Variants in ZNF750 observed in about 807,000 individuals in gnomAD.
ZNF750 encodes the protein zinc finger protein 750, also known as protein ZNF750.
A neutral mutation model predicts 31.6 loss-of-function variants in ZNF750; 10 were observed. The observed-to-expected ratio is 0.32, with a 90% CI of 0.19 to 0.54. ZNF750 has a LOEUF of 0.54. Among genes scored for constraint, ZNF750 ranks in the 20% least tolerant of loss-of-function variants. The pLI, the probability that ZNF750 is intolerant of heterozygous loss-of-function variation, is 0.95. For synonymous variants in ZNF750, 400 were observed against 404.9 expected (o/e 0.99, Z 0.15); for missense variants, 914 against 934.9 (o/e 0.98, Z 0.29).
In ZNF750 at chr17:82,831,604, A is replaced by T. The variant is rs1567853293; in HGVS notation, c.851T>A (p.Phe284Tyr). 1.2e-6 allele frequency: 2 copies of T among 1,614,128 alleles called. No individual in the cohort carries two copies. Among genetic ancestry groups the T allele is most frequent in the Admixed American group, 1.7e-5 (1 of 60,024 alleles). ...AGGGATCGGCCCCGGGTGAGGCAGG[A>T]AGTGTCTCGGGTCTTGGGTTCCGTA... ...SVYGTQDPRHFLPHPGPIPKH... is the reference protein window; with the variant it reads ...SVYGTQDPRHYLPHPGPIPKH... The change falls in exon 2 of 3, where the codon TTC becomes TAC. Residue 284 changes from phenylalanine to tyrosine, a missense_variant. Around this residue, in one of 2 missense-constraint regions of ZNF750, gnomAD observed 880 missense variants for 868.9 expected, o/e 1.01. Transcript: ENST00000269394. The surrounding 1 kb of genome is among the most constrained non-coding windows in gnomAD (Gnocchi z 4.6).
Position 82,831,803 on chromosome 17 carries a change from A to G in ZNF750, c.652T>C (p.Phe218Leu), listed in dbSNP as rs776169884. Residue 218 changes from phenylalanine to leucine, a missense_variant, in exon 2 of 3, where the codon TTT (phenylalanine) becomes CTT (leucine). Around this residue, in one of 2 missense-constraint regions of ZNF750, gnomAD observed 880 missense variants for 868.9 expected, o/e 1.01. Transcript: ENST00000269394. The surrounding 1 kb of genome is among the most constrained non-coding windows in gnomAD (Gnocchi z 4.6). ...TTTGTAGATGAGATTTTATGTGGAA[A>G]CTCTGGTGGAAGGAAAGGTGAGCCG... ...KAGSPFLPPE[F>L]PHKISSTKGL... is the part of the protein sequence containing the mutation. 6.2e-6 allele frequency: 10 copies of G among 1,613,974 alleles called. No homozygotes were observed. Among genetic ancestry groups the G allele is most frequent in the South Asian group, 3.3e-5 (3 of 91,060 alleles).
intron 1 of ZNF750, among the ~76,000 whole-genome samples, chr17:82,834,162 G>A (rs1278305465): frequency 6.6e-6 from 1 of 152,122 alleles, no homozygotes; most frequent in Non-Finnish European, 1.5e-5. Context: ...GGGCCAGGCT[G>A]GTCTCGAGCT....
At position 82,831,263 on chromosome 17, in the gene ZNF750, A is replaced by G. The variant is rs550682860; in HGVS notation, c.1192T>C (p.Ser398Pro). 47 of 1,613,400 alleles carry G rather than the reference A, an allele frequency of 2.9e-5. No homozygotes were observed. In the African/African-American group the frequency reaches 5.7e-4, roughly 20 times the overall value. The part of the protein sequence containing the change: ...SKAGQRDTEG[S>P]KMSPRAGSAA... ...CTCCCTGCGCGGGGGCTCATTTTGG[A>G]CCCTTCCGTGTCTCTCTGCCCAGCC... The change falls in exon 2 of 3, where the codon TCC (serine) becomes CCC (proline). Residue 398 changes from serine (S) to proline (P), a missense_variant. Ser to Pro is a moderately conservative substitution (Grantham distance 74). This residue lies in a region of ZNF750 where 880 missense variants were observed against 868.9 expected (regional missense o/e 1.01). Transcript: ENST00000269394. This position sits in a 1 kb window ranked among gnomAD's most constrained non-coding sequence, Gnocchi z 4.6.
chr17:82,836,276 C>T (rs1011735713), intron 1 of ZNF750, among the ~76,000 whole-genome samples: 10 of 152,224 alleles, frequency 6.6e-5, no homozygotes, highest in African/African-American at 1.9e-4. Context: ...CATGCCTCGC[C>T]GCGCTCCCTG....
At chr17:82,836,394 G>C (rs556163924) in intron 1 of ZNF750, among the ~76,000 whole-genome samples, 2 of 152,370 alleles carry the variant, frequency 1.3e-5, no homozygotes, top group African/African-American at 4.8e-5. Flanking sequence ...GGAAGCATCA[G>C]GATCGAAACG....
In ZNF750 at chr17:82,831,553, G is replaced by A; in HGVS notation, c.902C>T (p.Thr301Ile). The change falls in exon 2 of 3, where the codon ACA (threonine) becomes ATA (isoleucine). Residue 301 changes from threonine to isoleucine, a missense_variant. Around this residue, in one of 2 missense-constraint regions of ZNF750, gnomAD observed 880 missense variants for 868.9 expected, o/e 1.01. Transcript: ENST00000269394. This position sits in a 1 kb window ranked among gnomAD's most constrained non-coding sequence, Gnocchi z 4.6. Reference protein sequence around the residue: ...IPKHLAPSPATYDHYRFFQQY... With the variant: ...IPKHLAPSPAIYDHYRFFQQY... The stretch of plus-strand genomic sequence containing the variant: ...CTGGAAAAACCTGTAGTGATCGTAT[G>A]TGGCTGGAGATGGAGCCAGGTGCTT... 3 of 1,614,194 alleles carry A rather than the reference G, an allele frequency of 1.9e-6. No homozygotes were observed. Among genetic ancestry groups the A allele is most frequent in the Non-Finnish European group, 2.5e-6 (3 of 1,180,036 alleles).
In ZNF750 at chr17:82,832,670, C is replaced by T. The variant is rs946420802; in HGVS notation, c.-182-34G>A. 7.9e-5 allele frequency: 47 copies of T among 594,780 alleles called. No homozygotes were observed. Among genetic ancestry groups the T allele is most frequent in the Middle Eastern group, 4.4e-4 (1 of 2,248 alleles). The allele number at this position is 594,780 out of a possible 1,614,324, so 36.8% of individuals were successfully genotyped here. A position where few individuals can be genotyped will look rare whatever the true frequency, so the allele number is the denominator to read the frequency against. ...AAGAGCAGTCTTGGTGTCAGGACAG[C>T]GAGTGAGGGGTCGGCGAGAAGCCGG... On this transcript the variant is annotated intron_variant, in intron 1 of 2. Coordinates refer to ENST00000269394, the MANE Select transcript of ZNF750 (RefSeq NM_024702.3). The surrounding 1 kb of genome is among the most constrained non-coding windows in gnomAD (Gnocchi z 4.9).
Position 82,835,855 on chromosome 17 carries a change from T to G in ZNF750, c.-182-3219A>C, listed in dbSNP as rs1296042195. On this transcript the variant is annotated intron_variant, in intron 1 of 2. Transcript: ENST00000269394. This position sits in a 1 kb window ranked among gnomAD's most constrained non-coding sequence, Gnocchi z 4.5. The stretch of plus-strand genomic sequence containing the variant: ...GGGTAGAAAAGGGGCTCTGCTGACC[T>G]GCCACCTTCGCTGTGATGAGTTTCT... Among the ~76,000 whole-genome samples the G allele has an allele frequency of 6.6e-6, 1 of 152,242 alleles. No homozygotes were observed. The highest frequency in any genetic ancestry group is 1.5e-5 in the Non-Finnish European group (1 of 68,044).
At position 82,836,986 on chromosome 17, in the gene ZNF750, A is replaced by C. The variant is rs141919859; in HGVS notation, c.-183+2941T>G. Among the ~76,000 whole-genome samples, 320 of 152,270 alleles carry C rather than the reference A, an allele frequency of 2.1e-3. 2 individuals carry two copies. The highest frequency in any genetic ancestry group is 7.5e-3 in the African/African-American group (311 of 41,552). ...TTGCTCGAAGGGAATTGGTGTCGAT[A>C]TGGAGTCTCGGGCAGTGGTTTTAGT... On this transcript the variant is annotated intron_variant, in intron 1 of 2. Coordinates refer to ENST00000269394, the MANE Select transcript of ZNF750 (RefSeq NM_024702.3).
At position 82,832,592 on chromosome 17, in the gene ZNF750, GTGCTGAGGGTC is replaced by G; in HGVS notation, c.-149_-139del. 1.3e-6 allele frequency: 1 copy of G among 779,164 alleles called. No homozygotes were observed. The highest frequency in any genetic ancestry group is 2.2e-6 in the Non-Finnish European group (1 of 462,286). The allele number at this position is 779,164 out of a possible 1,614,324, so 48.3% of individuals were successfully genotyped here. On this transcript the variant is annotated 5_prime_UTR_variant, in exon 2 of 3. It removes the in-frame stop codon of an upstream open reading frame in the 5' UTR. Coordinates refer to ENST00000269394, the MANE Select transcript of ZNF750 (RefSeq NM_024702.3). The surrounding 1 kb of genome is among the most constrained non-coding windows in gnomAD (Gnocchi z 4.9). ...CACTTCTATCAGAAGCCAGCTCTGCGTGCTGAGGGTCTGGCGAGAGCCTCCGTCATCTGGCG... is the reference window on the plus strand; with the variant it reads ...CACTTCTATCAGAAGCCAGCTCTGCGTGGCGAGAGCCTCCGTCATCTGGCG...
In ZNF750 at chr17:82,831,498, G is replaced by A. The variant is rs141585758; in HGVS notation, c.957C>T (p.Tyr319=). ...ATGCAGACTCTGGCCTGTAAAATCC[G>A]TAAGGAATCGGCAGGTTAGAGGGAT... ...QQYPSNLPIP[Y]GFYRPESAFS... Residue 319 remains tyrosine, a synonymous_variant, in exon 2 of 3, where the codon TAC becomes TAT. Coordinates refer to ENST00000269394, the MANE Select transcript of ZNF750 (RefSeq NM_024702.3). The surrounding 1 kb of genome is among the most constrained non-coding windows in gnomAD (Gnocchi z 4.6). 4.5e-5 allele frequency: 72 copies of A among 1,614,058 alleles called. No homozygotes were observed. In the African/African-American group the frequency reaches 6.1e-4, roughly 14 times the overall value.
intron 1 of ZNF750, chr17:82,838,859 A>T (rs1339367868): frequency 4.1e-6 from 4 of 985,292 alleles, no homozygotes; most frequent in African/African-American, 1.7e-5. Context: ...TCACCACTTT[A>T]CAGTCGCCGC....
intron 1 of ZNF750, among the ~76,000 whole-genome samples, chr17:82,837,646 A>G (rs2054102989): frequency 6.6e-6 from 1 of 151,970 alleles, no homozygotes; most frequent in African/African-American, 2.4e-5. Flanking sequence ...TGTGATCCTG[A>G]AGGAGGGTTT....
At position 82,832,162 on chromosome 17, in the gene ZNF750, A is replaced by G. The variant is rs747557940; in HGVS notation, c.293T>C (p.Phe98Ser). ...SKSVANGLSA[F>S]DSKLQHSSAR... ...AGAGCTGTGCTGAAGCTTCGAGTCG[A>G]AGGCAGAGAGTCCATTTGCGACAGA... The change falls in exon 2 of 3, where the codon TTC becomes TCC. Residue 98 changes from phenylalanine (F) to serine (S), a missense_variant. Phe to Ser is a radical substitution (Grantham distance 155). Transcript: ENST00000269394. This position sits in a 1 kb window ranked among gnomAD's most constrained non-coding sequence, Gnocchi z 4.9. 6 of 1,614,220 alleles carry G rather than the reference A, an allele frequency of 3.7e-6. No homozygotes were observed. The East Asian group carries it at 1.1e-4, about 30-fold the overall frequency.
At position 82,832,206 on chromosome 17, in the gene ZNF750, C is replaced by T. The variant is rs775795115; in HGVS notation, c.249G>A (p.Ala83=). Residue 83 remains alanine, a synonymous_variant, in exon 2 of 3, where the codon GCG becomes GCA. Transcript: ENST00000269394. This position sits in a 1 kb window ranked among gnomAD's most constrained non-coding sequence, Gnocchi z 4.9. The part of the protein sequence containing the change: ...PKQTNQPDAT[A]KPASSKSVAN... ...CGACAGACTTGGAAGAGGCTGGCTT[C>T]GCCGTGGCATCGGGCTGGTTGGTTT... is the stretch of plus-strand genomic sequence containing the variant. 17 of 1,614,086 alleles carry T rather than the reference C, an allele frequency of 1.1e-5. No individual in the cohort carries two copies. Among genetic ancestry groups the T allele is most frequent in the East Asian group, 4.5e-5 (2 of 44,896 alleles).
rs767204352 is a variant in ZNF750, at chr17:82,833,349, T to A, written c.-182-713A>T. ...ATCCCTAAGCACTCGTGGCAGTTTC[T>A]GCCCACTTTAGCCACGTCGTTGGTG... is the stretch of plus-strand genomic sequence containing the variant. On this transcript the variant is annotated intron_variant, in intron 1 of 2. Coordinates refer to ENST00000269394, the MANE Select transcript of ZNF750 (RefSeq NM_024702.3). This position sits in a 1 kb window ranked among gnomAD's most constrained non-coding sequence, Gnocchi z 4.7. 1.3e-5 allele frequency among the ~76,000 whole-genome samples: 2 copies of A among 152,216 alleles called. No individual in the cohort carries two copies. Among genetic ancestry groups the A allele is most frequent in the Admixed American group, 6.5e-5 (1 of 15,278 alleles).
chr17:82,833,619 C>T lies in ZNF750; in HGVS notation c.-182-983G>A, dbSNP rs1001042710. ...GTTCCTGCTGGCCAGGAGGCATGGC[C>T]AGCAGCGCCTGCCCGTCCAGATGCA... On this transcript the variant is annotated intron_variant, in intron 1 of 2. Coordinates refer to ENST00000269394, the MANE Select transcript of ZNF750 (RefSeq NM_024702.3). This position sits in a 1 kb window ranked among gnomAD's most constrained non-coding sequence, Gnocchi z 4.7. Among the ~76,000 whole-genome samples the T allele has an allele frequency of 3.9e-5, 6 of 152,192 alleles. No homozygotes were observed. The highest frequency in any genetic ancestry group is 1.4e-4 in the African/African-American group (6 of 41,442).
rs370014626 is a variant in ZNF750 at position 82,830,840 on chromosome 17, C to T, written c.1474G>A (p.Gly492Arg). 4.3e-6 allele frequency: 7 copies of T among 1,612,964 alleles called. No individual in the cohort carries two copies. The highest frequency in any genetic ancestry group is 2.7e-5 in the African/African-American group (2 of 74,882). ...GCCTCCGAGACGAGAGAGGCGCTTC[C>T]GGTCGGAGCAGGAGGGTCTCCGTTC... ...VVNGDPPAPT[G>R]SASLVSEAAP... The change falls in exon 3 of 3, where the codon GGA (glycine) becomes AGA (arginine). Residue 492 changes from glycine to arginine, a missense_variant. Physicochemically the swap from Gly to Arg is moderately radical, Grantham distance 125 (BLOSUM62 -2). This residue lies in a region of ZNF750 where 880 missense variants were observed against 868.9 expected (regional missense o/e 1.01). Transcript: ENST00000269394.
Position 82,830,719 on chromosome 17 carries a change from T to G in ZNF750, c.1595A>C (p.Tyr532Ser). The G allele has an allele frequency of 6.2e-7, 1 of 1,614,064 alleles. No homozygotes were observed. Among genetic ancestry groups the G allele is most frequent in the Non-Finnish European group, 8.5e-7 (1 of 1,180,016 alleles). Residue 532 changes from tyrosine to serine, a missense_variant, in exon 3 of 3, where the codon TAC becomes TCC. This residue lies in a region of ZNF750 where 880 missense variants were observed against 868.9 expected (regional missense o/e 1.01). Coordinates refer to ENST00000269394, the MANE Select transcript of ZNF750 (RefSeq NM_024702.3). Reference sequence around the variant, plus strand: ...GGTTTCCGCCTGGGGGCTGCCTTGGTACGTGGGTTCGTGGGTGGCTGCCAG... The same window carrying G: ...GGTTTCCGCCTGGGGGCTGCCTTGGGACGTGGGTTCGTGGGTGGCTGCCAG... Reference protein sequence around the residue: ...INLAATHEPTYQGSPQAETAS... With the variant: ...INLAATHEPTSQGSPQAETAS...
Sources: allele counts gnomAD v4.1 joint callset (sites outside exome capture counted in the v4.1 genomes callset), GRCh38; gene constraint gnomAD v4.1.1; regional missense constraint gnomAD v4.1.1; non-coding constraint Gnocchi (gnomAD v3.1); transcripts MANE v1.5; gene names NCBI Gene and HGNC (gene_info 2026-07-23, HGNC 2026-07-21).